Variants in LYPD6B observed in about 807,000 individuals in gnomAD.
LYPD6B encodes LY6/PLAUR domain containing 6B, also known as ly6/PLAUR domain-containing protein 6B.
Under a neutral mutation model 22.8 loss-of-function variants are expected in LYPD6B, and 17 were observed. That is an observed-to-expected ratio of 0.75 (90% CI 0.51 to 1.12). LYPD6B has a LOEUF of 1.12. Among genes scored for constraint, LYPD6B ranks in the 50% most tolerant of loss-of-function variants. The pLI is 0.00. For synonymous variants in LYPD6B, 106 were observed against 91.6 expected (o/e 1.16, Z -0.90); for missense variants, 221 against 258.3 (o/e 0.86, Z 0.99).
chr2:149,066,838 G>T (rs555216967), intron 1 of LYPD6B, among the ~76,000 whole-genome samples: 3 of 151,890 alleles, frequency 2.0e-5, no homozygotes, highest in South Asian at 2.1e-4. Context: ...GATTTAGGGG[G>T]TATATGTGCA....
intron 3 of LYPD6B, among the ~76,000 whole-genome samples, chr2:149,190,948 A>G (rs182251573): frequency 3.3e-4 from 50 of 152,238 alleles, no homozygotes; most frequent in African/African-American, 1.2e-3. Context: ...TGTGTTTTGA[A>G]TCATGGTTAG....
At chr2:149,191,070 T>G (rs1227198733) in intron 3 of LYPD6B, among the ~76,000 whole-genome samples, 1 of 152,160 alleles carries the variant, frequency 6.6e-6, no homozygotes, top group East Asian at 1.9e-4. Flanking sequence ...AATAGTACAA[T>G]AGACCCCAGC....
chr2:149,114,849 T>G (rs573467732), intron 1 of LYPD6B, among the ~76,000 whole-genome samples: 11 of 152,232 alleles, frequency 7.2e-5, no homozygotes, highest in Non-Finnish European at 1.6e-4. Context: ...CAGATATCAG[T>G]GATCCTCATT....
intron 1 of LYPD6B, among the ~76,000 whole-genome samples, chr2:149,116,863 AC>A (rs996588431): frequency 3.3e-5 from 5 of 152,124 alleles, no homozygotes; most frequent in African/African-American, 1.2e-4. Context: ...GGAGCTTTTC[AC>A]CACTCTCTCT....
intron 1 of LYPD6B, among the ~76,000 whole-genome samples, chr2:149,116,815 T>G (rs1687028716): frequency 6.6e-6 from 1 of 152,184 alleles, no homozygotes; most frequent in South Asian, 2.1e-4. Context: ...CTAATAAATG[T>G]TTAGTTCTCA....
chr2:149,117,288 AC>A (rs1687055483), intron 1 of LYPD6B, among the ~76,000 whole-genome samples: 1 of 138,934 alleles, frequency 7.2e-6, no homozygotes, highest in African/African-American at 2.8e-5. Flanking sequence ...TTTTTTTGAG[AC>A]TTTTTGAGTC....
chr2:149,087,161 T>A (rs529219725), intron 1 of LYPD6B, among the ~76,000 whole-genome samples: 1 of 152,284 alleles, frequency 6.6e-6, no homozygotes, highest in African/African-American at 2.4e-5. Context: ...ATATTAAAAA[T>A]CATGAATACA....
intron 2 of LYPD6B, among the ~76,000 whole-genome samples, chr2:149,132,862 G>A (rs1347361681): frequency 6.6e-6 from 1 of 152,114 alleles, no homozygotes; most frequent in Non-Finnish European, 1.5e-5. Flanking sequence ...CTCAGTTTCT[G>A]AGAACTGATG....
intron 1 of LYPD6B, among the ~76,000 whole-genome samples, chr2:149,125,057 A>G (rs1687614210): frequency 6.9e-6 from 1 of 144,196 alleles, no homozygotes; most frequent in African/African-American, 2.6e-5. Flanking sequence ...GTCAGACTGC[A>G]TCTAGCAGAA....
chr2:149,104,723 A>G (rs1440966710), intron 1 of LYPD6B, among the ~76,000 whole-genome samples: 1 of 152,172 alleles, frequency 6.6e-6, no homozygotes, highest in Non-Finnish European at 1.5e-5. Flanking sequence ...AATATTGATG[A>G]AATTTATCAA....
intron 1 of LYPD6B, among the ~76,000 whole-genome samples, chr2:149,067,963 G>A (rs1310302416): frequency 6.6e-6 from 1 of 152,158 alleles, no homozygotes; most frequent in African/African-American, 2.4e-5. Flanking sequence ...GGAGGGGAGA[G>A]GGAGGGAATG....
intron 1 of LYPD6B, among the ~76,000 whole-genome samples, chr2:149,084,099 A>AAAAATAAAAT (rs10700898): frequency 1.7e-4 from 25 of 150,886 alleles, no homozygotes; most frequent in South Asian, 1.1e-3. Context: ...ACTCCATCTC[A>AAAAATAAAAT]AAAATAAAAT....
intron 3 of LYPD6B, among the ~76,000 whole-genome samples, chr2:149,176,481 T>C (rs541532983): frequency 1.3e-4 from 20 of 152,282 alleles, no homozygotes; most frequent in Middle Eastern, 3.4e-3. Flanking sequence ...TTTCAGAAAG[T>C]GTGGCAGGGT....
intron 1 of LYPD6B, among the ~76,000 whole-genome samples, chr2:149,067,786 AGAATTTATTATCTT>A (rs1684409190): frequency 6.6e-6 from 1 of 152,114 alleles, no homozygotes; most frequent in Non-Finnish European, 1.5e-5. Context: ...GTCCAAATGG[AGAATTTATTATCTT>A]CTTAGTGCAA....
intron 1 of LYPD6B, among the ~76,000 whole-genome samples, chr2:149,124,782 C>T (rs1687592035): frequency 6.6e-6 from 1 of 152,110 alleles, no homozygotes; most frequent in African/African-American, 2.4e-5. Context: ...AAAAGGAGCC[C>T]GAATTCTACA....
At chr2:149,174,427 A>G (rs1218554467) in intron 3 of LYPD6B, among the ~76,000 whole-genome samples, 1 of 152,184 alleles carries the variant, frequency 6.6e-6, no homozygotes, top group Admixed American at 6.5e-5. Context: ...TATGTTAAAT[A>G]GGAGTGGTGA....
chr2:149,205,310 T>C lies in LYPD6B; in HGVS notation c.135T>C (p.Ala45=). 2 of 1,613,974 alleles carry C rather than the reference T, an allele frequency of 1.2e-6. No homozygotes were observed. Among genetic ancestry groups the C allele is most frequent in the Non-Finnish European group, 1.7e-6 (2 of 1,179,860 alleles). The change falls in exon 4 of 7, where the codon GCT becomes GCC. Residue 45 remains alanine, a synonymous_variant. Coordinates refer to ENST00000409642, the MANE Select transcript of LYPD6B (RefSeq NM_177964.5). ...TCAGCATGCTGCTCCTCTGTCACGC[T>C]CTCGCTATAGCTGTTGTCCAGATCG... The part of the protein sequence containing the change: ...HKVSMLLLCH[A]LAIAVVQIVI...
chr2:149,066,136 G>A (rs1391818858), intron 1 of LYPD6B, among the ~76,000 whole-genome samples: 1 of 151,064 alleles, frequency 6.6e-6, no homozygotes, highest in African/African-American at 2.4e-5. Flanking sequence ...GAGACACTAT[G>A]TTCTATTAAC....
chr2:149,044,427 T>TG (rs1172688140), intron 1 of LYPD6B, among the ~76,000 whole-genome samples: 1 of 152,080 alleles, frequency 6.6e-6, no homozygotes, highest in Non-Finnish European at 1.5e-5. Flanking sequence ...TTTTGTGTGT[T>TG]GGTATTGTAT....
Sources: allele counts gnomAD v4.1 joint callset (sites outside exome capture counted in the v4.1 genomes callset), GRCh38; gene constraint gnomAD v4.1.1; transcripts MANE v1.5; gene names NCBI Gene and HGNC (gene_info 2026-07-23, HGNC 2026-07-21).